The following KLC1 variants were observed in gnomAD, a reference collection of about 807,000 sequenced individuals.
KLC1 encodes the protein kinesin 2 60/70kDa.
In KLC1, 30 loss-of-function variants were observed where a neutral mutation model predicts 84.2. That is an observed-to-expected ratio of 0.36 (90% CI 0.27 to 0.48). The LOEUF is 0.48. KLC1 is among the 20% of genes least tolerant of loss of function. KLC1 has a pLI of 0.99. For synonymous variants in KLC1, 289 were observed against 293.3 expected (o/e 0.99, Z 0.15); for missense variants, 499 against 805.4 (o/e 0.62, Z 4.60).
chr14:103,646,085 T>A (rs1415138170), intron 1 of KLC1, among the ~76,000 whole-genome samples: 1 of 152,150 alleles, frequency 6.6e-6, no homozygotes, highest in Non-Finnish European at 1.5e-5. Context: ...GGGACCACTG[T>A]CAAATATGAG....
chr14:103,687,272 C>A, intron 14 of KLC1, 61 bp downstream of exon 14: 1 of 1,448,086 alleles, frequency 6.9e-7, no homozygotes, highest in Non-Finnish European at 9.3e-7. Flanking sequence ...CGCTTCTCTT[C>A]CTAGCGCAGC....
intron 15 of KLC1, chr14:103,699,530 GAC>G (rs765025885): frequency 4.3e-6 from 7 of 1,613,418 alleles, no homozygotes; most frequent in Non-Finnish European, 5.9e-6. Context: ...CATGCCCCGA[GAC>G]AGCAGTACGG....
At chr14:103,658,100 C>T (rs745368834) in intron 3 of KLC1, among the ~76,000 whole-genome samples, 1 of 152,196 alleles carries the variant, frequency 6.6e-6, no homozygotes, top group African/African-American at 2.4e-5. Context: ...GGCAACCTCT[C>T]TGCCCCTTAG....
At chr14:103,672,983 G>A in intron 7 of KLC1, 31 bp from the exon 8 acceptor site, 1 of 1,602,584 alleles carries the variant, frequency 6.2e-7, no homozygotes, top group Non-Finnish European at 8.5e-7. Flanking sequence ...AGCAGAACAA[G>A]TGTCTCTAAT....
chr14:103,698,784 C>T (rs2151901589), intron 15 of KLC1: 1 of 1,579,452 alleles, frequency 6.3e-7, no homozygotes, highest in Non-Finnish European at 8.6e-7. Context: ...GGCTGTTGTG[C>T]AGCCGCCACC....
chr14:103,679,487 A>G lies in KLC1; in HGVS notation c.1592A>G (p.Lys531Arg), dbSNP rs760555454. Residue 531 changes from lysine (K) to arginine (R), a missense_variant, in exon 13 of 17, where the codon AAG becomes AGG. By Grantham distance (26) the Lys-to-Arg change is conservative. Around this residue, in one of 3 missense-constraint regions of KLC1, gnomAD observed 167 missense variants for 208.8 expected, o/e 0.80. Coordinates refer to ENST00000334553, the MANE Select transcript of KLC1 (RefSeq NM_001394837.1). ...SRESLNVDVVKYESGPDGGEE... is the reference protein window; with the variant it reads ...SRESLNVDVVRYESGPDGGEE... ...GAGAGCCTCAACGTGGACGTGGTCA[A>G]GTACGAGAGTGGCCCTGACGGAGGG... 1 of 1,613,976 alleles carries G rather than the reference A, an allele frequency of 6.2e-7. No homozygotes were observed.
intron 1 of KLC1, among the ~76,000 whole-genome samples, chr14:103,633,477 G>A (rs1443547292): frequency 1.3e-5 from 2 of 152,152 alleles, no homozygotes; most frequent in African/African-American, 2.4e-5. Flanking sequence ...AACTCGGCAA[G>A]CCTCAGGATT....
intron 5 of KLC1, among the ~76,000 whole-genome samples, chr14:103,665,378 T>TTTTC (rs918659320): frequency 6.6e-6 from 1 of 151,806 alleles, no homozygotes; most frequent in Non-Finnish European, 1.5e-5. Context: ...GATTGATTTC[T>TTTTC]TTTCTTTCTT....
chr14:103,697,425 G>C lies in KLC1; in HGVS notation c.1849-3230G>C, dbSNP rs79320199. Among the ~76,000 whole-genome samples the C allele has an allele frequency of 3.8e-3, 581 of 152,284 alleles. 4 individuals are homozygous for C. Among genetic ancestry groups the C allele is most frequent in the African/African-American group, 0.013 (555 of 41,564 alleles). Reference sequence around the variant, plus strand: ...CAGGCTCACCCTGGGCACATAAGGTGGGGGGTGACAATTTCTGCCTCTGGG... The same window carrying C: ...CAGGCTCACCCTGGGCACATAAGGTCGGGGGTGACAATTTCTGCCTCTGGG... On this transcript the variant is annotated intron_variant, in intron 15 of 16. Coordinates refer to ENST00000334553, the MANE Select transcript of KLC1 (RefSeq NM_001394837.1).
intron 14 of KLC1, chr14:103,688,153 T>TTCG (rs1371375518): frequency 6.6e-6 from 1 of 152,202 alleles, no homozygotes; most frequent in Admixed American, 6.5e-5. Context: ...CTCTGTCTTT[T>TTCG]TCGTTGTTGT....
In KLC1 at chr14:103,692,409, C is replaced by T. The variant is rs1468032151; in HGVS notation, c.1832C>T (p.Ala611Val). 3.3e-6 allele frequency: 5 copies of T among 1,536,518 alleles called. No homozygotes were observed. In the East Asian group the frequency reaches 1.2e-4, roughly 38 times the overall value. ...GTCCTTAACGTGGGTGGCAAGGCTG[C>T]TGAAGATCGCTTTCAAGTAAGGAGC... ...LNVLNVGGKA[A>V]EDRFQGVSGR... The change falls in exon 15 of 17, where the codon GCT becomes GTT. Residue 611 changes from alanine to valine, a missense_variant. Transcript: ENST00000334553.
At chr14:103,680,425 G>A (rs2081259201) in intron 13 of KLC1, among the ~76,000 whole-genome samples, 1 of 152,086 alleles carries the variant, frequency 6.6e-6, no homozygotes, top group Non-Finnish European at 1.5e-5. Flanking sequence ...TTCTACAGAT[G>A]TTCTGCCAAA....
At chr14:103,679,603 C>G (rs778433121) in intron 13 of KLC1, 58 bp downstream of exon 13, 1 of 1,335,360 alleles carries the variant, frequency 7.5e-7, no homozygotes, top group Non-Finnish European at 1.1e-6. Flanking sequence ...TGGCGCTTGC[C>G]AGGCCTTCCT....
chr14:103,675,048 G>C (rs1036847591), intron 9 of KLC1, among the ~76,000 whole-genome samples: 7 of 152,324 alleles, frequency 4.6e-5, no homozygotes, highest in African/African-American at 1.7e-4. Context: ...AAGAAAACAG[G>C]CTGGGCGCGG....
intron 2 of KLC1, among the ~76,000 whole-genome samples, chr14:103,657,120 C>G (rs2078895065): frequency 6.6e-6 from 1 of 152,082 alleles, no homozygotes; most frequent in Non-Finnish European, 1.5e-5. Flanking sequence ...GTTCTCTGAC[C>G]CCCACTTGCA....
At position 103,693,263 on chromosome 14, in the gene KLC1, C is replaced by G. The variant is rs1014189135; in HGVS notation, c.1848+838C>G. 3.3e-5 allele frequency among the ~76,000 whole-genome samples: 5 copies of G among 152,064 alleles called. No individual in the cohort carries two copies. Among genetic ancestry groups the G allele is most frequent in the Non-Finnish European group, 5.9e-5 (4 of 67,994 alleles). On this transcript the variant is annotated intron_variant, in intron 15 of 16. Coordinates refer to ENST00000334553, the MANE Select transcript of KLC1 (RefSeq NM_001394837.1). This position sits in a 1 kb window ranked among gnomAD's most constrained non-coding sequence, Gnocchi z 5.1. ...CATCTCGGGAAAGCTTTTCCCCAGC[C>G]CCCTTCTCGGTGGCTGTTAAAGAGG...
Position 103,673,335 on chromosome 14 carries a change from T to C in KLC1, c.1165T>C (p.Ser389Pro). 1 of 1,588,896 alleles carries C rather than the reference T, an allele frequency of 6.3e-7. No individual in the cohort carries two copies. The highest frequency in any genetic ancestry group is 8.5e-7 in the Non-Finnish European group (1 of 1,170,316). ...TTTTATTTTATTTTATTTTAAGGCATCCTGCTATTTGAAACAAGGAAAGTT... is the reference window on the plus strand; with the variant it reads ...TTTTATTTTATTTTATTTTAAGGCACCCTGCTATTTGAAACAAGGAAAGTT... ...NVAKTKNNLASCYLKQGKFKQ... is the reference protein window; with the variant it reads ...NVAKTKNNLAPCYLKQGKFKQ... Residue 389 changes from serine (S) to proline (P), a missense_variant, in exon 9 of 17, where the codon TCC becomes CCC. Physicochemically the swap from Ser to Pro is moderately conservative, Grantham distance 74. Transcript: ENST00000334553.
chr14:103,679,559 A>G lies in KLC1; in HGVS notation c.1650+14A>G, dbSNP rs1255812175. 1.3e-6 allele frequency: 2 copies of G among 1,596,110 alleles called. No individual in the cohort carries two copies. Among genetic ancestry groups the G allele is most frequent in the Admixed American group, 1.7e-5 (1 of 59,448 alleles). On this transcript the variant is annotated intron_variant, in intron 13 of 16. Transcript: ENST00000334553. ...GAGTGGAACGGGGTAAGTACAGTAC[A>G]CAGCGGGCACGTGCTCCGGGAGGCG...
chr14:103,693,606 C>T lies in KLC1; in HGVS notation c.1848+1181C>T, dbSNP rs1191392466. ...GAGCTCTGAGTGCCAGCCACACTGA[C>T]CTGGCCCACTGAGAGCCAGCAGGGC... On this transcript the variant is annotated intron_variant, in intron 15 of 16. Transcript: ENST00000334553. The surrounding 1 kb of genome is among the most constrained non-coding windows in gnomAD (Gnocchi z 5.1). The T allele has an allele frequency of 2.0e-5, 30 of 1,535,972 alleles. No homozygotes were observed. Among genetic ancestry groups the T allele is most frequent in the Non-Finnish European group, 2.6e-5 (30 of 1,146,904 alleles).
Sources: allele counts gnomAD v4.1 joint callset (sites outside exome capture counted in the v4.1 genomes callset), GRCh38; gene constraint gnomAD v4.1.1; regional missense constraint gnomAD v4.1.1; non-coding constraint Gnocchi (gnomAD v3.1); transcripts MANE v1.5; gene names NCBI Gene and HGNC (gene_info 2026-07-23, HGNC 2026-07-21).